Variants in IFT56 observed in about 807,000 individuals in gnomAD.
The protein encoded by IFT56 is intraflagellar transport 56, also known as intraflagellar transport protein 56.
the IFT56 span, among the ~76,000 whole-genome samples, chr7:139,137,635 A>G: frequency 6.6e-6 from 1 of 152,270 alleles, no homozygotes; most frequent in Non-Finnish European, 1.5e-5. Flanking sequence ...CAGTAAATAC[A>G]GAAAGCCAAA....
the IFT56 span, chr7:139,191,450 GTCTTCCAGTGA>G: frequency 6.6e-6 from 1 of 152,186 alleles, no homozygotes; most frequent in African/African-American, 2.4e-5. Flanking sequence ...AGTGAAATTT[GTCTTCCAGTGA>G]ATTGCTATTA....
At chr7:139,158,299 G>A in the IFT56 span, among the ~76,000 whole-genome samples, 1 of 102,784 alleles carries the variant, frequency 9.7e-6, no homozygotes, top group Admixed American at 1.2e-4. Context: ...GGGCGACAGA[G>A]CTAGACGCCA....
the IFT56 span, chr7:139,134,511 C>T: frequency 1.1e-5 from 9 of 798,872 alleles, no homozygotes; most frequent in Non-Finnish European, 1.6e-5. Context: ...CCTCGTGATC[C>T]GCCGCCTTCG....
the IFT56 span, among the ~76,000 whole-genome samples, chr7:139,166,608 C>T: frequency 6.6e-6 from 1 of 152,046 alleles, no homozygotes; most frequent in Admixed American, 6.6e-5. Context: ...CATCCATGTT[C>T]TTAGCTTCAA....
the IFT56 span, among the ~76,000 whole-genome samples, chr7:139,183,076 G>A: frequency 6.6e-6 from 1 of 152,142 alleles, no homozygotes; most frequent in Non-Finnish European, 1.5e-5. Flanking sequence ...AGTTCTTTTA[G>A]AATGGGGATA....
the IFT56 span, among the ~76,000 whole-genome samples, chr7:139,175,016 C>A: frequency 1.4e-5 from 2 of 146,132 alleles, no homozygotes; most frequent in East Asian, 2.0e-4. Context: ...ATTGGAACCC[C>A]GTCTCAAAAA....
chr7:139,190,967 A>G, the IFT56 span: 2 of 152,200 alleles, frequency 1.3e-5, no homozygotes, highest in African/African-American at 2.4e-5. Context: ...TAGTTGTTCC[A>G]TTTATCCCAG....
chr7:139,142,242 G>A, the IFT56 span: 1 of 1,613,286 alleles, frequency 6.2e-7, no homozygotes, highest in South Asian at 1.1e-5. Context: ...AAGCAGCTTG[G>A]ATTTTTTTTT....
At chr7:139,134,734 C>T in the IFT56 span, 1 of 1,614,002 alleles carries the variant, frequency 6.2e-7, no homozygotes. Context: ...AGGAAGATTC[C>T]AAAACTAGAG....
At chr7:139,141,071 T>C in the IFT56 span, among the ~76,000 whole-genome samples, 1 of 151,174 alleles carries the variant, frequency 6.6e-6, no homozygotes. Flanking sequence ...CCATCCTGGC[T>C]AACATGGTGA....
the IFT56 span, chr7:139,178,189 G>A: frequency 6.4e-7 from 1 of 1,551,336 alleles, no homozygotes; most frequent in South Asian, 1.1e-5. Flanking sequence ...GAATATATGT[G>A]GGGTTTTTTT....
At chr7:139,177,456 C>T in the IFT56 span, among the ~76,000 whole-genome samples, 2 of 151,270 alleles carry the variant, frequency 1.3e-5, no homozygotes, top group East Asian at 3.9e-4. Flanking sequence ...TATATATATA[C>T]TGTATGTATG....
the IFT56 span, chr7:139,137,833 T>C: frequency 1.2e-6 from 2 of 1,607,258 alleles, no homozygotes; most frequent in Non-Finnish European, 1.7e-6. Context: ...TTTAAATACA[T>C]TTTTAACCTG....
chr7:139,181,237 A>G, the IFT56 span: 1 of 1,453,658 alleles, frequency 6.9e-7, no homozygotes, highest in Non-Finnish European at 9.6e-7. Flanking sequence ...TTAAAGATTC[A>G]TTATCACATT....
At chr7:139,165,713 T>G in the IFT56 span, among the ~76,000 whole-genome samples, 1 of 152,160 alleles carries the variant, frequency 6.6e-6, no homozygotes, top group South Asian at 2.1e-4. Context: ...TTATTGCCCC[T>G]AAGTAAGATT....
the IFT56 span, chr7:139,137,984 A>G: frequency 2.0e-5 from 24 of 1,209,224 alleles, no homozygotes; most frequent in Admixed American, 3.4e-4. Flanking sequence ...TGTGTTTAAA[A>G]TGTTATTAAA....
At chr7:139,171,842 T>C in the IFT56 span, among the ~76,000 whole-genome samples, 7 of 152,210 alleles carry the variant, frequency 4.6e-5, no homozygotes, top group Admixed American at 4.6e-4. Flanking sequence ...ATAGGCTTTA[T>C]TTAGATCACC....
the IFT56 span, among the ~76,000 whole-genome samples, chr7:139,161,636 T>C: frequency 2.0e-5 from 3 of 152,238 alleles, no homozygotes; most frequent in Non-Finnish European, 4.4e-5. Flanking sequence ...TAATAATAAC[T>C]ATGCTTTTTC....
chr7:139,175,138 A>G, the IFT56 span, among the ~76,000 whole-genome samples: 20,390 of 152,180 alleles, frequency 0.13, 2,651 homozygotes, highest in African/African-American at 0.3. Context: ...GTGAGATACC[A>G]TCTCACTCCA....
Sources: allele counts gnomAD v4.1 joint callset (sites outside exome capture counted in the v4.1 genomes callset), GRCh38; gene constraint gnomAD v4.1.1; transcripts MANE v1.5; gene names NCBI Gene and HGNC (gene_info 2026-07-23, HGNC 2026-07-21).